The following NFATC1 variants were observed in gnomAD, a reference collection of about 807,000 sequenced individuals.
NFATC1 encodes nuclear factor of activated T-cells, cytoplasmic 1.
A neutral mutation model predicts 76.0 loss-of-function variants in NFATC1; 22 were observed. That is an observed-to-expected ratio of 0.29 (90% confidence interval 0.21 to 0.41). NFATC1 has a LOEUF of 0.41. Ranked by LOEUF, NFATC1 falls within the 10% of genes least tolerant of loss-of-function variation. The pLI is 1.00. For synonymous variants in NFATC1, 704 were observed against 613.1 expected, an observed-to-expected ratio of 1.15 and a Z score of -2.19; for missense variants, 1,357 against 1,337.7, an observed-to-expected ratio of 1.01 and a Z score of -0.23.
chr18:79,409,282 A>T (rs1295561350), intron 1 of NFATC1, among the ~76,000 whole-genome samples: 1 of 99,596 alleles, frequency 1.0e-5, no homozygotes. Flanking sequence ...TCATCCATCC[A>T]TCATTATCTA....
intron 9 of NFATC1, among the ~76,000 whole-genome samples, chr18:79,508,250 C>T (rs2090162856): frequency 6.6e-6 from 1 of 151,324 alleles, no homozygotes; most frequent in Non-Finnish European, 1.5e-5. Flanking sequence ...GGACGGAGGG[C>T]GCCTGGTGGG....
intron 1 of NFATC1, among the ~76,000 whole-genome samples, chr18:79,397,927 T>C (rs1443716352): frequency 6.6e-6 from 1 of 152,190 alleles, no homozygotes; most frequent in African/African-American, 2.4e-5. Context: ...GTGTATTTTA[T>C]GAGGGCTGCA....
intron 9 of NFATC1, among the ~76,000 whole-genome samples, chr18:79,499,022 C>A (rs1339792513): frequency 2.0e-5 from 3 of 152,206 alleles, no homozygotes; most frequent in African/African-American, 7.2e-5. Context: ...TAAAGGGAGT[C>A]CTTCAGGCTG....
At chr18:79,400,575 C>G (rs2085170147) in intron 1 of NFATC1, 1 of 1,120,196 alleles carries the variant, frequency 8.9e-7, no homozygotes, top group Non-Finnish European at 1.1e-6. Flanking sequence ...CCCGGGGACC[C>G]CAGGAGTCCC....
chr18:79,425,238 TCTGTCTCTCTGTTTCTCTCC>T (rs1167361864), intron 2 of NFATC1, among the ~76,000 whole-genome samples: 6 of 151,700 alleles, frequency 4.0e-5, no homozygotes, highest in East Asian at 1.9e-4. Context: ...TCTCCCTGTC[TCTGTCTCTCTGTTTCTCTCC>T]CTGTCTCTGT....
At chr18:79,494,092 C>T (rs978837294) in intron 9 of NFATC1, among the ~76,000 whole-genome samples, 3 of 152,238 alleles carry the variant, frequency 2.0e-5, no homozygotes, top group Non-Finnish European at 4.4e-5. Context: ...CGCCAGGCAG[C>T]GTGTGGCTGA....
At chr18:79,490,449 G>A (rs1052881808) in intron 9 of NFATC1, among the ~76,000 whole-genome samples, 1 of 152,036 alleles carries the variant, frequency 6.6e-6, no homozygotes, top group Non-Finnish European at 1.5e-5. Context: ...CCTGGTGCAG[G>A]CTCAGGCTCT....
At chr18:79,399,249 C>T (rs534066120) in intron 1 of NFATC1, among the ~76,000 whole-genome samples, 2 of 152,378 alleles carry the variant, frequency 1.3e-5, no homozygotes, top group African/African-American at 4.8e-5. Flanking sequence ...GGAACGATGG[C>T]TTATCACTGG....
intron 2 of NFATC1, among the ~76,000 whole-genome samples, chr18:79,427,706 TG>T (rs1600682083): frequency 8.1e-5 from 1 of 12,400 alleles, no homozygotes; most frequent in Non-Finnish European, 1.4e-4. Flanking sequence ...GTGCAGTGGG[TG>T]GGGTTGGGGG....
intron 2 of NFATC1, among the ~76,000 whole-genome samples, chr18:79,431,940 A>G (rs2144655491): frequency 6.6e-6 from 1 of 152,246 alleles, no homozygotes; most frequent in Non-Finnish European, 1.5e-5. Context: ...TGACCTTGTG[A>G]TCCACCCGCC....
intron 1 of NFATC1, chr18:79,400,631 C>G (rs1208803434): frequency 1.5e-6 from 1 of 671,236 alleles, no homozygotes. Flanking sequence ...CGCTGCAGTG[C>G]GGGGCGTCCT....
intron 9 of NFATC1, among the ~76,000 whole-genome samples, chr18:79,505,680 G>A (rs1329437363): frequency 1.4e-5 from 2 of 143,386 alleles, no homozygotes; most frequent in African/African-American, 5.6e-5. Context: ...GCAGGAGACT[G>A]CTGTGTGGGA....
rs867731442 is a variant in NFATC1, at chr18:79,401,863, A to G, written c.127+5512A>G. Among the ~76,000 whole-genome samples the G allele has an allele frequency of 2.6e-5, 4 of 152,094 alleles. No homozygotes were observed. The South Asian group carries it at 6.3e-4, about 24-fold the overall frequency. ...GGCCTGCGACAGGCCCAGTGCTGCCAGAACCCAGGCCCTACACCCCAGTCA... is the reference window on the plus strand; with the variant it reads ...GGCCTGCGACAGGCCCAGTGCTGCCGGAACCCAGGCCCTACACCCCAGTCA... On this transcript the variant is annotated intron_variant, in intron 1 of 9. Coordinates refer to ENST00000427363, the MANE Select transcript of NFATC1 (RefSeq NM_001278669.2).
At position 79,527,704 on chromosome 18, in the gene NFATC1, T is replaced by C. The variant is rs2090806877; in HGVS notation, c.*127T>C. 1.2e-6 allele frequency: 1 copy of C among 823,434 alleles called. No homozygotes were observed. Among genetic ancestry groups the C allele is most frequent in the Non-Finnish European group, 2.0e-6 (1 of 495,330 alleles). The allele number at this position is 823,434 out of a possible 1,614,324, so 51.0% of individuals were successfully genotyped here. ...CTCCAACTGACTGAATGCCAGGAGC[T>C]GAACATTAATATGTGCAAAGATTGG... On this transcript the variant is annotated 3_prime_UTR_variant, in exon 10 of 10. Coordinates refer to ENST00000427363, the MANE Select transcript of NFATC1 (RefSeq NM_001278669.2).
chr18:79,416,635 C>A (rs1029056416), intron 2 of NFATC1, among the ~76,000 whole-genome samples: 2 of 152,318 alleles, frequency 1.3e-5, no homozygotes, highest in East Asian at 3.9e-4. Context: ...AGCAAAGAAG[C>A]CGAGGGTGTC....
chr18:79,516,598 G>A lies in NFATC1; in HGVS notation c.2783-10930G>A, dbSNP rs572521802. Among the ~76,000 whole-genome samples the A allele has an allele frequency of 7.7e-4, 117 of 152,292 alleles. 1 individual carries two copies. The highest frequency in any genetic ancestry group is 1.5e-3 in the Non-Finnish European group (103 of 68,022). ...CAGTTTAGGGTGGACCGAGGAGGCC[G>A]TGGTGGAGGCTTCATGTAGGAGGTT... On this transcript the variant is annotated intron_variant, in intron 9 of 9. Coordinates refer to ENST00000427363, the MANE Select transcript of NFATC1 (RefSeq NM_001278669.2).
chr18:79,490,689 T>A (rs771427754), intron 9 of NFATC1, among the ~76,000 whole-genome samples: 88 of 152,146 alleles, frequency 5.8e-4, no homozygotes, highest in Non-Finnish European at 6.9e-4. Context: ...GTTTCCCGCG[T>A]CCTGGGTGGA....
At chr18:79,494,800 C>T (rs1051374805) in intron 9 of NFATC1, among the ~76,000 whole-genome samples, 4 of 93,780 alleles carry the variant, frequency 4.3e-5, no homozygotes, top group African/African-American at 8.5e-5. Flanking sequence ...CCCCATCGAC[C>T]TGGTACCGCC....
At chr18:79,447,165 G>A (rs1449877403) in intron 3 of NFATC1, among the ~76,000 whole-genome samples, 1 of 152,234 alleles carries the variant, frequency 6.6e-6, no homozygotes, top group Non-Finnish European at 1.5e-5. Flanking sequence ...TGACCACACG[G>A]CGGCTGAGGC....
Sources: gnomAD v4.1 joint callset for allele counts (sites outside exome capture counted in the v4.1 genomes callset) on GRCh38, gnomAD v4.1.1 for gene constraint, MANE v1.5 for transcripts, NCBI Gene and HGNC (gene_info 2026-07-23, HGNC 2026-07-21) for gene names.